The following C5orf58 variants were observed in gnomAD, a reference collection of about 807,000 sequenced individuals.
The protein encoded by C5orf58 is putative uncharacterized protein C5orf58.
Under a neutral mutation model 2.9 loss-of-function variants are expected in C5orf58, and 2 were observed. The observed-to-expected ratio is 0.69, with a 90% CI of 0.28 to 2.18. C5orf58 has a LOEUF of 2.18. Among genes scored for constraint, C5orf58 ranks in the 30% most tolerant of loss-of-function variants. The pLI is 0.13. For synonymous variants in C5orf58, 37 were observed against 33.4 expected, an observed-to-expected ratio of 1.11 and a Z score of -0.37; for missense variants, 96 against 91.7, an observed-to-expected ratio of 1.05 and a Z score of -0.19.
downstream of C5orf58, chr5:170,252,403 A>T: frequency 1.6e-6 from 2 of 1,260,958 alleles, no homozygotes; most frequent in Non-Finnish European, 2.3e-6. Context: ...TAATATTTAC[A>T]ACTATGTTAA....
downstream of C5orf58, among the ~76,000 whole-genome samples, chr5:170,249,143 G>A (rs1333828043): frequency 6.6e-6 from 1 of 152,076 alleles, no homozygotes; most frequent in Non-Finnish European, 1.5e-5. Flanking sequence ...CCAACATGGT[G>A]AAACCCTGTC....
downstream of C5orf58, chr5:170,252,535 C>T: frequency 8.0e-7 from 1 of 1,257,318 alleles, no homozygotes; most frequent in Non-Finnish European, 1.1e-6. Flanking sequence ...TTTTTAGAAA[C>T]TGAATAAATT....
chr5:170,234,720 T>C (rs889740349), intron 2 of C5orf58, among the ~76,000 whole-genome samples: 5 of 152,224 alleles, frequency 3.3e-5, no homozygotes, highest in African/African-American at 1.2e-4. Context: ...TCATTTCCAT[T>C]GTAAGCCCTA....
intron 1 of C5orf58, 83 bp from the exon 2 acceptor site, chr5:170,234,032 G>A (rs1760634952): frequency 1.4e-6 from 1 of 740,198 alleles, no homozygotes. Context: ...GCATGCCCAA[G>A]GAAGGCAGCT....
At chr5:170,245,927 C>T (rs1029785057) in intron 3 of C5orf58, 35 bp from the exon 4 acceptor site, 1 of 1,584,166 alleles carries the variant, frequency 6.3e-7, no homozygotes. Flanking sequence ...GACATATGTG[C>T]TACAATATAA....
downstream of C5orf58, chr5:170,250,598 T>C: frequency 1.4e-6 from 1 of 696,260 alleles, no homozygotes; most frequent in South Asian, 1.7e-5. Flanking sequence ...TTCCAATAAA[T>C]GAAGGGCTTC....
At chr5:170,238,271 C>T (rs1003085798) in intron 3 of C5orf58, among the ~76,000 whole-genome samples, 8 of 151,918 alleles carry the variant, frequency 5.3e-5, no homozygotes, top group Non-Finnish European at 1.2e-4. Context: ...ATACTGTATC[C>T]ATGAAAAAGG....
intron 3 of C5orf58, among the ~76,000 whole-genome samples, chr5:170,236,278 A>T (rs1311544393): frequency 6.6e-6 from 1 of 152,022 alleles, no homozygotes; most frequent in Non-Finnish European, 1.5e-5. Context: ...TGCTTTTTCC[A>T]TGTGTTCTCC....
intron 2 of C5orf58, chr5:170,251,323 A>T (rs1376057384): frequency 5.1e-6 from 1 of 194,398 alleles, no homozygotes; most frequent in Non-Finnish European, 1.1e-5. Flanking sequence ...TCCACATGCC[A>T]TGAAATTCAC....
At chr5:170,247,695 G>A (rs558483514), downstream of C5orf58, 1 of 152,322 alleles carries the variant, frequency 6.6e-6, no homozygotes, top group African/African-American at 2.4e-5. Flanking sequence ...GAAGGATGAG[G>A]AGAAGGGACT....
chr5:170,241,643 G>T (rs1265698130), intron 3 of C5orf58, among the ~76,000 whole-genome samples: 2 of 150,708 alleles, frequency 1.3e-5, no homozygotes, highest in Admixed American at 6.6e-5. Context: ...CTGAGACTTT[G>T]CTGAAGTTGC....
chr5:170,251,710 T>G (rs1455678602), exon 3 of C5orf58: 1 of 454,080 alleles, frequency 2.2e-6, no homozygotes, highest in Admixed American at 2.4e-5. Context: ...TGATTCACAG[T>G]CTTGGCTTCA....
At chr5:170,234,230 G>C in intron 2 of C5orf58, 32 bp downstream of exon 2, 1 of 1,313,842 alleles carries the variant, frequency 7.6e-7, no homozygotes, top group Non-Finnish European at 1.0e-6. Context: ...TGGACAAGCA[G>C]CTTGACCCAT....
At position 170,233,019 on chromosome 5, in the gene C5orf58, C is replaced by T. The variant is rs1474808185; in HGVS notation, c.-85+12C>T. Reference sequence around the variant, plus strand: ...TGACGGTTGGCCAGGTGGGTAGTGACGGCTGCTCGGTCTTGAAGGATCCTA... The same window carrying T: ...TGACGGTTGGCCAGGTGGGTAGTGATGGCTGCTCGGTCTTGAAGGATCCTA... On this transcript the variant is annotated intron_variant, in intron 1 of 3. Coordinates refer to ENST00000593851, the MANE Select transcript of C5orf58 (RefSeq NM_001102609.3). 4 of 973,100 alleles carry T rather than the reference C, an allele frequency of 4.1e-6. No individual in the cohort carries two copies. The highest frequency in any genetic ancestry group is 4.9e-6 in the Non-Finnish European group (4 of 818,708). The allele number at this position is 973,100 out of a possible 1,614,324, so 60.3% of individuals were successfully genotyped here. A position where few individuals can be genotyped will look rare whatever the true frequency, so the allele number is the denominator to read the frequency against.
intron 3 of C5orf58, among the ~76,000 whole-genome samples, chr5:170,244,050 C>T (rs1330566392): frequency 3.3e-5 from 5 of 151,632 alleles, no homozygotes; most frequent in African/African-American, 1.2e-4. Context: ...CTTAGTTTGG[C>T]TGGATATGAA....
At chr5:170,245,889 G>A (rs1245091845) in intron 3 of C5orf58, 73 bp from the exon 4 acceptor site, 20 of 1,390,940 alleles carry the variant, frequency 1.4e-5, no homozygotes, top group Non-Finnish European at 1.9e-5. Context: ...GGAAGAAATA[G>A]CTACTTAAAG....
chr5:170,241,623 A>T (rs1004971203), intron 3 of C5orf58, among the ~76,000 whole-genome samples: 3 of 151,222 alleles, frequency 2.0e-5, no homozygotes, highest in African/African-American at 7.4e-5. Context: ...TCGTACATTG[A>T]TTTTGTATCC....
chr5:170,250,832 A>G (rs768861788), downstream of C5orf58: 4 of 1,612,934 alleles, frequency 2.5e-6, no homozygotes, highest in South Asian at 2.2e-5. Flanking sequence ...CCATGAGGAC[A>G]TATGGATTGG....
At position 170,234,192 on chromosome 5, in the gene C5orf58, C is replaced by T; in HGVS notation, c.-7C>T. ...AGGAAAAGGTAGAGGCAAGGATTGA[C>T]TTAAAGGTTAGTTTGTTTTCATTAT... is the stretch of plus-strand genomic sequence containing the variant. On this transcript the variant is annotated 5_prime_UTR_variant, in exon 2 of 4. Transcript: ENST00000593851. 2 of 1,366,748 alleles carry T rather than the reference C, an allele frequency of 1.5e-6. No individual in the cohort carries two copies. Among genetic ancestry groups the T allele is most frequent in the Non-Finnish European group, 2.0e-6 (2 of 1,021,028 alleles). 84.7% of individuals were successfully genotyped at this position (1,366,748 alleles called of 1,614,324 possible).
Sources: allele counts gnomAD v4.1 joint callset (sites outside exome capture counted in the v4.1 genomes callset), GRCh38; gene constraint gnomAD v4.1.1; transcripts MANE v1.5; gene names NCBI Gene and HGNC (gene_info 2026-07-23, HGNC 2026-07-21).